The following NRXN3 variants were observed in gnomAD, a reference collection of about 807,000 sequenced individuals.
The protein encoded by NRXN3 is neurexin 3, also known as neurexin III.
Under a neutral mutation model 137.6 loss-of-function variants are expected in NRXN3, and 32 were observed. The ratio of observed to expected loss-of-function variants is 0.23; its 90% CI spans 0.18 to 0.31. NRXN3 has a LOEUF of 0.31. Among genes scored for constraint, NRXN3 ranks in the 10% least tolerant of loss-of-function variants. The probability of loss-of-function intolerance (pLI) is 1.00; values close to 1 mark genes in which losing one functional copy is unlikely to be tolerated. For synonymous variants in NRXN3, 798 were observed against 784.5 expected, an observed-to-expected ratio of 1.02 and a Z score of -0.29; for missense variants, 1,574 against 2,062.5, an observed-to-expected ratio of 0.76 and a Z score of 4.59.
intron 6 of NRXN3, among the ~76,000 whole-genome samples, chr14:78,686,257 C>A (rs146865856): frequency 6.6e-6 from 1 of 152,126 alleles, no homozygotes; most frequent in African/African-American, 2.4e-5. Flanking sequence ...ATGAGTGGAT[C>A]GATAAATGAA....
chr14:79,394,240 G>C (rs1451555313), intron 15 of NRXN3, among the ~76,000 whole-genome samples: 1 of 152,160 alleles, frequency 6.6e-6, no homozygotes, highest in Non-Finnish European at 1.5e-5. Flanking sequence ...TTGTTCTGGG[G>C]CTGGAAGGAA....
intron 16 of NRXN3, among the ~76,000 whole-genome samples, chr14:79,639,159 A>G (rs927720989): frequency 2.6e-5 from 4 of 152,180 alleles, no homozygotes; most frequent in Admixed American, 2.0e-4. Context: ...TCCATTTGAA[A>G]TGCTTACAGA....
intron 16 of NRXN3, among the ~76,000 whole-genome samples, chr14:79,580,992 A>G (rs538413260): frequency 4.9e-4 from 75 of 152,210 alleles, no homozygotes; most frequent in African/African-American, 1.7e-3. Context: ...ATCCAACTGT[A>G]ATGTGATCAG....
At chr14:79,818,331 G>C (rs540792071) in intron 20 of NRXN3, among the ~76,000 whole-genome samples, 1 of 152,220 alleles carries the variant, frequency 6.6e-6, no homozygotes, top group South Asian at 2.1e-4. Context: ...GGGATTACAG[G>C]CGTGAGCCAC....
At position 78,330,395 on chromosome 14, in the gene NRXN3, A is replaced by G. The variant is rs2080660370; in HGVS notation, c.757+32535A>G. Among the ~76,000 whole-genome samples the G allele has an allele frequency of 2.0e-5, 3 of 151,938 alleles. No homozygotes were observed. In the South Asian group the frequency reaches 6.2e-4, roughly 32 times the overall value. On this transcript the variant is annotated intron_variant, in intron 4 of 20. Transcript: ENST00000335750. ...TTTTTTCCTCCAGAACACTAAGAAA[A>G]TTCTTCCTCTCATTTCACATGGAAG...
intron 4 of NRXN3, among the ~76,000 whole-genome samples, chr14:78,340,079 A>G (rs2081983915): frequency 6.6e-6 from 1 of 152,224 alleles, no homozygotes; most frequent in South Asian, 2.1e-4. Flanking sequence ...GGTCTCATCC[A>G]ATGGACTGTA....
At chr14:78,448,039 T>C (rs2094461849) in intron 4 of NRXN3, among the ~76,000 whole-genome samples, 1 of 152,192 alleles carries the variant, frequency 6.6e-6, no homozygotes, top group African/African-American at 2.4e-5. Context: ...TGTATCTTCT[T>C]CATCTCTTCT....
intron 20 of NRXN3, among the ~76,000 whole-genome samples, chr14:79,847,069 G>A (rs2099378171): frequency 6.6e-6 from 1 of 152,134 alleles, no homozygotes; most frequent in South Asian, 2.1e-4. Context: ...AAGACTGTTA[G>A]CTACCAAATG....
intron 15 of NRXN3, among the ~76,000 whole-genome samples, chr14:79,051,623 C>T (rs996108701): frequency 6.6e-6 from 1 of 152,206 alleles, no homozygotes; most frequent in East Asian, 1.9e-4. Context: ...TTGATATAAA[C>T]GGCCTTCATT....
chr14:79,279,920 C>G, intron 15 of NRXN3: 4 of 1,063,572 alleles, frequency 3.8e-6, no homozygotes, highest in Non-Finnish European at 4.5e-6. Flanking sequence ...GTGTGGCTCC[C>G]GGGAGTGTGC....
At chr14:79,177,412 C>T (rs1303487237) in intron 15 of NRXN3, among the ~76,000 whole-genome samples, 4 of 152,034 alleles carry the variant, frequency 2.6e-5, no homozygotes, top group Admixed American at 6.5e-5. Flanking sequence ...TATCAGCCCT[C>T]GGAGAAAATA....
intron 10 of NRXN3, among the ~76,000 whole-genome samples, chr14:78,938,611 C>T (rs1422334673): frequency 6.6e-6 from 1 of 151,924 alleles, no homozygotes; most frequent in Non-Finnish European, 1.5e-5. Flanking sequence ...GGTGTTTTCA[C>T]TGACTTTGTG....
At chr14:78,946,405 G>A (rs890495864) in intron 10 of NRXN3, among the ~76,000 whole-genome samples, 1 of 152,126 alleles carries the variant, frequency 6.6e-6, no homozygotes, top group Non-Finnish European at 1.5e-5. Context: ...GTATCTAGTG[G>A]ACACCTCTGT....
Position 78,484,025 on chromosome 14 carries a change from CACAGAG to C in NRXN3, c.758-161093_758-161088del, listed in dbSNP as rs1218849209. Among the ~76,000 whole-genome samples, 218 of 114,000 alleles carry C rather than the reference CACAGAG, an allele frequency of 1.9e-3. 2 individuals are homozygous for C. Among genetic ancestry groups the C allele is most frequent in the African/African-American group, 7.1e-3 (206 of 28,962 alleles). 74.8% of individuals were successfully genotyped at this position (114,000 alleles called of 152,430 possible). On this transcript the variant is annotated intron_variant, in intron 4 of 20. Transcript: ENST00000335750. ...ACACACACACACACACACACACACA[CACAGAG>C]AGAGAGAGAGAGAGAGAGCAAAAAA...
chr14:78,523,529 G>A (rs2096317243), intron 4 of NRXN3, among the ~76,000 whole-genome samples: 1 of 151,508 alleles, frequency 6.6e-6, no homozygotes, highest in African/African-American at 2.4e-5. Context: ...GCCGGGTGCG[G>A]TGGCTCACGC....
intron 15 of NRXN3, among the ~76,000 whole-genome samples, chr14:79,211,981 T>C (rs563092315): frequency 1.2e-4 from 18 of 152,302 alleles, no homozygotes; most frequent in Admixed American, 6.5e-4. Flanking sequence ...TTTGTTATGT[T>C]GTAATAGCTG....
chr14:78,875,572 A>G (rs1441418531), intron 10 of NRXN3, among the ~76,000 whole-genome samples: 1 of 152,184 alleles, frequency 6.6e-6, no homozygotes, highest in Non-Finnish European at 1.5e-5. Flanking sequence ...ATACTAAAGG[A>G]TTTTGTTTTA....
chr14:79,297,029 T>G (rs2153470350), intron 15 of NRXN3, among the ~76,000 whole-genome samples: 1 of 152,318 alleles, frequency 6.6e-6, no homozygotes, highest in South Asian at 2.1e-4. Flanking sequence ...TTGCCTTTGC[T>G]TATCCTATTT....
intron 1 of NRXN3, among the ~76,000 whole-genome samples, chr14:78,171,603 C>G (rs1021532981): frequency 6.6e-6 from 1 of 152,042 alleles, no homozygotes; most frequent in Non-Finnish European, 1.5e-5. Context: ...CAAAACTTAA[C>G]TGCTTTAGAA....
Sources: gnomAD v4.1 joint callset for allele counts (sites outside exome capture counted in the v4.1 genomes callset) on GRCh38, gnomAD v4.1.1 for gene constraint, MANE v1.5 for transcripts, NCBI Gene and HGNC (gene_info 2026-07-23, HGNC 2026-07-21) for gene names.